Variants in FBN1 observed in about 807,000 individuals in gnomAD.
FBN1 encodes the protein fibrillin 1, also known as fibrillin-1.
Under a neutral mutation model 365.1 loss-of-function variants are expected in FBN1, and 29 were observed. The observed-to-expected ratio is 0.08, with a 90% confidence interval of 0.06 to 0.11. The LOEUF is 0.11. Among genes scored for constraint, FBN1 ranks in the 10% least tolerant of loss-of-function variants. The pLI is 1.00. For missense variants in FBN1, 2,476 were observed against 3,703.2 expected (o/e 0.67, Z 8.60); for synonymous variants, 1,210 against 1,270.5 (o/e 0.95, Z 1.01).
At chr15:48,621,992 T>C (rs2620362) in intron 2 of FBN1, among the ~76,000 whole-genome samples, 148,776 of 149,540 alleles carry the variant, frequency 0.99, 74,023 homozygotes, top group Middle Eastern at 1. Context: ...AGCGAGACTC[T>C]GTCTCAAAAA....
intron 8 of FBN1, among the ~76,000 whole-genome samples, chr15:48,528,075 G>A (rs933989325): frequency 2.6e-5 from 4 of 152,166 alleles, no homozygotes; most frequent in Non-Finnish European, 5.9e-5. Flanking sequence ...TTTTCAAAGT[G>A]TCCCTAAAAG....
chr15:48,495,424 C>T (rs1640359640), intron 21 of FBN1, 45 bp downstream of exon 21: 2 of 1,609,176 alleles, frequency 1.2e-6, no homozygotes, highest in South Asian at 2.2e-5. Context: ...TTAAGTATAA[C>T]AACATTGATA....
chr15:48,617,338 C>G (rs1033317548), intron 2 of FBN1, among the ~76,000 whole-genome samples: 13 of 152,002 alleles, frequency 8.6e-5, no homozygotes, highest in African/African-American at 2.9e-4. Context: ...CTACACCCAG[C>G]TAATTTTTGT....
At chr15:48,542,780 G>T (rs1392744595) in intron 6 of FBN1, among the ~76,000 whole-genome samples, 1 of 79,168 alleles carries the variant, frequency 1.3e-5, no homozygotes, top group South Asian at 4.8e-4. Context: ...AGGACTCTAA[G>T]ATGTGTGTGT....
chr15:48,555,129 G>A (rs1478703742), intron 6 of FBN1, among the ~76,000 whole-genome samples: 2 of 152,160 alleles, frequency 1.3e-5, no homozygotes, highest in Non-Finnish European at 2.9e-5. Context: ...CTCACATACT[G>A]TTCCTTCACA....
At chr15:48,582,253 C>T (rs890303650) in intron 6 of FBN1, among the ~76,000 whole-genome samples, 2 of 152,196 alleles carry the variant, frequency 1.3e-5, no homozygotes, top group Non-Finnish European at 2.9e-5. Flanking sequence ...TGGGCTACTG[C>T]GTGTCAGGCA....
Position 48,488,396 on chromosome 15 carries a change from A to G in FBN1, c.3180T>C (p.Ala1060=). The G allele has an allele frequency of 6.2e-7, 1 of 1,614,194 alleles. No individual in the cohort carries two copies. Among genetic ancestry groups the G allele is most frequent in the South Asian group, 1.1e-5 (1 of 91,088 alleles). The change falls in exon 26 of 66, where the codon GCT becomes GCC. Residue 1060 remains alanine (A), a synonymous_variant. Transcript: ENST00000316623. ...SFKCRCDSGF[A]LDSEERNCTD... is the part of the protein sequence containing the mutation. ...TGCAGTTCCTTTCTTCAGAATCAAGAGCAAAGCCGCTGTCACACCTGCACT... is the reference window on the plus strand; with the variant it reads ...TGCAGTTCCTTTCTTCAGAATCAAGGGCAAAGCCGCTGTCACACCTGCACT...
Position 48,492,483 on chromosome 15 carries a change from A to G in FBN1, c.2832T>C (p.Asp944=). The G allele has an allele frequency of 2.5e-6, 4 of 1,613,756 alleles. No homozygotes were observed. The highest frequency in any genetic ancestry group is 3.4e-6 in the Non-Finnish European group (4 of 1,179,672). The change falls in exon 24 of 66, where the codon GAT becomes GAC. Residue 944 remains aspartate (D), a synonymous_variant. Transcript: ENST00000316623. ...KCQCPSGMTL[D]ATGRICLDIR... ...TACCAAGACAGATCCTTCCTGTGGC[A>G]TCCAAAGTCATTCCACTGGGACACT...
chr15:48,474,529 A>G lies in FBN1; in HGVS notation c.4086T>C (p.Thr1362=). ...PGWIGDGIKC[T]DLDECSNGTH... is the part of the protein sequence containing the mutation. ...AACCTCTGTTACTTTCCTACTCACCAGTGCACTTAATGCCATCTCCAATCC... is the reference window on the plus strand; with the variant it reads ...AACCTCTGTTACTTTCCTACTCACCGGTGCACTTAATGCCATCTCCAATCC... Residue 1362 remains threonine (T), a splice_region_variant and synonymous_variant, in exon 33 of 66, where the codon ACT becomes ACC. Transcript: ENST00000316623. The G allele has an allele frequency of 6.2e-7, 1 of 1,614,168 alleles. No homozygotes were observed. The highest frequency in any genetic ancestry group is 8.5e-7 in the Non-Finnish European group (1 of 1,179,996).
chr15:48,581,707 C>G (rs1263440413), intron 6 of FBN1, among the ~76,000 whole-genome samples: 2 of 151,930 alleles, frequency 1.3e-5, no homozygotes, highest in Non-Finnish European at 2.9e-5. Context: ...GACTGAAAAT[C>G]AAAAAGGTGT....
At chr15:48,440,809 G>C (rs1020844481) in intron 50 of FBN1, among the ~76,000 whole-genome samples, 1 of 151,520 alleles carries the variant, frequency 6.6e-6, no homozygotes, top group African/African-American at 2.4e-5. Flanking sequence ...ATATGGCAGG[G>C]CTGGGACCCC....
chr15:48,625,754 T>G (rs1397557711), intron 2 of FBN1, among the ~76,000 whole-genome samples: 1 of 152,258 alleles, frequency 6.6e-6, no homozygotes, highest in South Asian at 2.1e-4. Flanking sequence ...CAAGTCCGTT[T>G]TGAATCCTAT....
chr15:48,483,820 A>G lies in FBN1; in HGVS notation c.3836T>C (p.Val1279Ala). The G allele has an allele frequency of 1.2e-6, 2 of 1,613,644 alleles. No homozygotes were observed. The highest frequency in any genetic ancestry group is 8.5e-7 in the Non-Finnish European group (1 of 1,179,984). ...FMASEDMKTC[V>A]DVNECDLNPN... ...AAAATTCTGTCTTCTTTGCTTACCT[A>G]CACAAGTCTTCATGTCTTCAGATGC... Residue 1279 changes from valine (V) to alanine (A), a missense_variant and splice_region_variant, in exon 31 of 66, where the codon GTA becomes GCA. By Grantham distance (64) the Val-to-Ala change is moderately conservative. Coordinates refer to ENST00000316623, the MANE Select transcript of FBN1 (RefSeq NM_000138.5).
Position 48,411,291 on chromosome 15 carries a change from C to T in FBN1, c.8315G>A (p.Ser2772Asn). 1 of 1,614,082 alleles carries T rather than the reference C, an allele frequency of 6.2e-7. No individual in the cohort carries two copies. Among genetic ancestry groups the T allele is most frequent in the Non-Finnish European group, 8.5e-7 (1 of 1,179,968 alleles). The change falls in exon 66 of 66, where the codon AGT becomes AAT. Residue 2772 changes from serine (S) to asparagine (N), a missense_variant. This residue lies in a region of FBN1 where 177 missense variants were observed against 192.7 expected (regional missense o/e 0.92). Coordinates refer to ENST00000316623, the MANE Select transcript of FBN1 (RefSeq NM_000138.5). ...AIFAFNISHV[S>N]NKVRILELLP... ...GAGTTCTAGGATTCGAACCTTGTTA[C>T]TGACGTGGGAAATATTGAAAGCAAA...
intron 44 of FBN1, among the ~76,000 whole-genome samples, 194 bp downstream of exon 44, chr15:48,456,443 C>T (rs960214930): frequency 4.6e-5 from 7 of 151,954 alleles, no homozygotes; most frequent in African/African-American, 1.7e-4. Context: ...AATGTGCCTC[C>T]TGGTTTTTCC....
intron 4 of FBN1, among the ~76,000 whole-genome samples, chr15:48,608,007 T>C (rs572482918): frequency 6.6e-6 from 1 of 152,334 alleles, no homozygotes; most frequent in South Asian, 2.1e-4. Flanking sequence ...TTTGCCCTGG[T>C]GCTGAATGAC....
At position 48,550,962 on chromosome 15, in the gene FBN1, T is replaced by TATGAATGAATGA. The variant is rs113964524; in HGVS notation, c.539-13166_539-13155dup. ...GGCCCATAATAAGCACTCAAGTATT[T>TATGAATGAATGA]ATGAATGAATGAATGAATGAATGAA... On this transcript the variant is annotated intron_variant, in intron 6 of 65. Transcript: ENST00000316623. Among the ~76,000 whole-genome samples the TATGAATGAATGA allele has an allele frequency of 1.9e-3, 232 of 119,468 alleles. 2 individuals carry two copies. The highest frequency in any genetic ancestry group is 6.0e-3 in the African/African-American group (228 of 37,710). 78.4% of individuals were successfully genotyped at this position (119,468 alleles called of 152,430 possible).
At chr15:48,487,470 G>A (rs1312589408) in intron 27 of FBN1, 33 bp from the exon 28 acceptor site, 1 of 1,611,124 alleles carries the variant, frequency 6.2e-7, no homozygotes, top group Non-Finnish European at 8.5e-7. Context: ...TTAAAGGTGG[G>A]GGCCTCATCT....
chr15:48,526,709 C>A (rs911367048), intron 8 of FBN1, among the ~76,000 whole-genome samples: 7 of 152,168 alleles, frequency 4.6e-5, no homozygotes, highest in African/African-American at 1.7e-4. Flanking sequence ...CAGAAGAGAT[C>A]TTGTGGTCTG....
Sources: allele counts gnomAD v4.1 joint callset (sites outside exome capture counted in the v4.1 genomes callset), GRCh38; gene constraint gnomAD v4.1.1; regional missense constraint gnomAD v4.1.1; transcripts MANE v1.5; gene names NCBI Gene and HGNC (gene_info 2026-07-23, HGNC 2026-07-21).